Variants in CGNL1 observed in about 807,000 individuals in gnomAD.
The protein encoded by CGNL1 is cingulin like 1.
A neutral mutation model predicts 141.2 loss-of-function variants in CGNL1; 132 were observed. The observed-to-expected ratio is 0.93, with a 90% CI of 0.81 to 1.08. The LOEUF (loss-of-function observed/expected upper bound fraction) is 1.08. CGNL1 is among the 50% of genes least tolerant of loss of function. CGNL1 has a pLI of 0.00. For synonymous variants in CGNL1, 690 were observed against 622.1 expected (o/e 1.11, Z -1.63); for missense variants, 1,870 against 1,588.6 (o/e 1.18, Z -3.01).
At chr15:57,527,853 G>A (rs2031709700) in intron 12 of CGNL1, among the ~76,000 whole-genome samples, 1 of 152,196 alleles carries the variant, frequency 6.6e-6, no homozygotes, top group African/African-American at 2.4e-5. Flanking sequence ...TCACTGAGTT[G>A]AAACCTCTTT....
chr15:57,491,800 G>A (rs2063867190), intron 8 of CGNL1, among the ~76,000 whole-genome samples: 1 of 152,158 alleles, frequency 6.6e-6, no homozygotes, highest in South Asian at 2.1e-4. Context: ...TGTCAGAAAA[G>A]TGCTTTAAAA....
chr15:57,528,029 C>T (rs572268556), intron 12 of CGNL1, among the ~76,000 whole-genome samples: 6 of 152,292 alleles, frequency 3.9e-5, no homozygotes, highest in South Asian at 2.1e-4. Context: ...GAGACTGAGG[C>T]GGGCATCACC....
chr15:57,380,954 T>A (rs895101041), intron 1 of CGNL1, among the ~76,000 whole-genome samples: 1 of 152,212 alleles, frequency 6.6e-6, no homozygotes, highest in East Asian at 1.9e-4. Context: ...CTCCTGCCAA[T>A]GGGCAGACAT....
At chr15:57,527,710 C>T (rs2031700252) in intron 12 of CGNL1, 1 of 152,238 alleles carries the variant, frequency 6.6e-6, no homozygotes, top group African/African-American at 2.4e-5. Context: ...GAAAAAACAA[C>T]AACATTATAA....
At chr15:57,459,742 A>G (rs796951266) in intron 7 of CGNL1, among the ~76,000 whole-genome samples, 6 of 152,314 alleles carry the variant, frequency 3.9e-5, no homozygotes, top group African/African-American at 1.4e-4. Context: ...GACTAGGACG[A>G]GAGAAAGTCA....
At chr15:57,449,786 T>C (rs2063299793) in intron 4 of CGNL1, among the ~76,000 whole-genome samples, 1 of 152,244 alleles carries the variant, frequency 6.6e-6, no homozygotes, top group Admixed American at 6.5e-5. Flanking sequence ...TTATTTTTTC[T>C]GGAGTGTTCT....
intron 4 of CGNL1, among the ~76,000 whole-genome samples, chr15:57,450,747 G>T (rs1244932750): frequency 6.6e-6 from 1 of 151,926 alleles, no homozygotes; most frequent in East Asian, 1.9e-4. Context: ...TTCAGTGCCT[G>T]TCAACAATTG....
chr15:57,446,027 C>T (rs2063246763), intron 4 of CGNL1, among the ~76,000 whole-genome samples: 1 of 152,166 alleles, frequency 6.6e-6, no homozygotes, highest in Non-Finnish European at 1.5e-5. Context: ...TACTTGCATA[C>T]AGGCTATGCA....
At position 57,547,400 on chromosome 15, in the gene CGNL1, CGAT is replaced by C; in HGVS notation, c.3822_3824del (p.Asp1275del). 6.2e-7 allele frequency: 1 copy of C among 1,614,192 alleles called. No individual in the cohort carries two copies. Among genetic ancestry groups the C allele is most frequent in the Admixed American group, 1.7e-5 (1 of 60,024 alleles). ...AAGTGCTGGATGACATGGATGACGA[CGAT>C]GACCTCAGCACGGATGGGGGAAGCC... On this transcript the variant is annotated inframe_deletion, in exon 19 of 19. Coordinates refer to ENST00000281282, the MANE Select transcript of CGNL1 (RefSeq NM_032866.5).
chr15:57,457,943 C>G (rs1343739731), intron 7 of CGNL1, among the ~76,000 whole-genome samples: 1 of 152,168 alleles, frequency 6.6e-6, no homozygotes, highest in African/African-American at 2.4e-5. Flanking sequence ...GTGGTCAGGT[C>G]TGTACTGACC....
chr15:57,427,945 A>T (rs2062997681), intron 1 of CGNL1, among the ~76,000 whole-genome samples: 1 of 151,652 alleles, frequency 6.6e-6, no homozygotes, highest in African/African-American at 2.4e-5. Flanking sequence ...TGCCTGAAGG[A>T]TGGGTATTTG....
In CGNL1 at chr15:57,451,503, T is replaced by G. The variant is rs1202064455; in HGVS notation, c.1807T>G (p.Cys603Gly). The G allele has an allele frequency of 1.2e-6, 2 of 1,605,122 alleles. No homozygotes were observed. Among genetic ancestry groups the G allele is most frequent in the African/African-American group, 2.7e-5 (2 of 74,524 alleles). Reference protein sequence around the residue: ...AGSAQGNNQACNSTSEVKDLL... With the variant: ...AGSAQGNNQAGNSTSEVKDLL... ...ATATCTTTGCAATTAATTATAGGCT[T>G]GTAATTCCACATCTGAAGTCAAAGA... The change falls in exon 5 of 19, where the codon TGT (cysteine) becomes GGT (glycine). Residue 603 changes from cysteine (C) to glycine (G), a missense_variant. Coordinates refer to ENST00000281282, the MANE Select transcript of CGNL1 (RefSeq NM_032866.5).
rs1357461331 is a variant in CGNL1 at position 57,384,002 on chromosome 15, T to C, written c.-16+7435T>C. Among the ~76,000 whole-genome samples, 3 of 138,458 alleles carry C rather than the reference T, an allele frequency of 2.2e-5. 1 individual carries two copies. The highest frequency in any genetic ancestry group is 1.5e-4 in the Admixed American group (2 of 13,142). 90.8% of individuals were successfully genotyped at this position (138,458 alleles called of 152,430 possible). A position where few individuals can be genotyped will look rare whatever the true frequency, so the allele number is the denominator to read the frequency against. On this transcript the variant is annotated intron_variant, in intron 1 of 18. Transcript: ENST00000281282. ...GGGGCTTAAATGCATTTGGTCTGGTTGTGGCCAGACTAGCTCAGCCCTAAC... is the reference window on the plus strand; with the variant it reads ...GGGGCTTAAATGCATTTGGTCTGGTCGTGGCCAGACTAGCTCAGCCCTAAC...
At chr15:57,420,555 A>G (rs2062903073) in intron 1 of CGNL1, among the ~76,000 whole-genome samples, 1 of 152,190 alleles carries the variant, frequency 6.6e-6, no homozygotes, top group African/African-American at 2.4e-5. Context: ...ATACACATAT[A>G]GTGGTTTCGG....
intron 8 of CGNL1, among the ~76,000 whole-genome samples, chr15:57,489,128 A>G (rs960146574): frequency 6.6e-6 from 1 of 152,278 alleles, no homozygotes; most frequent in Non-Finnish European, 1.5e-5. Flanking sequence ...GAAATACTAT[A>G]TAATAGAATT....
At chr15:57,388,914 G>C (rs1216569813) in intron 1 of CGNL1, among the ~76,000 whole-genome samples, 1 of 152,178 alleles carries the variant, frequency 6.6e-6, no homozygotes, top group Non-Finnish European at 1.5e-5. Context: ...AAGGAGTCTG[G>C]CTGAAATTTG....
intron 1 of CGNL1, among the ~76,000 whole-genome samples, chr15:57,430,485 A>G (rs2063031621): frequency 6.6e-6 from 1 of 152,280 alleles, no homozygotes; most frequent in South Asian, 2.1e-4. Flanking sequence ...AATTTATTAA[A>G]GTAATACAAA....
At chr15:57,409,016 G>C (rs1177698995) in intron 1 of CGNL1, among the ~76,000 whole-genome samples, 1 of 146,386 alleles carries the variant, frequency 6.8e-6, no homozygotes, top group Non-Finnish European at 1.5e-5. Flanking sequence ...ACTCCAGCCT[G>C]GGTGAGACAG....
intron 1 of CGNL1, among the ~76,000 whole-genome samples, chr15:57,387,244 G>A (rs963667028): frequency 6.6e-6 from 1 of 152,138 alleles, no homozygotes; most frequent in Admixed American, 6.5e-5. Flanking sequence ...TTTTCAAGGT[G>A]CCATCTGTGT....
Sources: gnomAD v4.1 joint callset for allele counts (sites outside exome capture counted in the v4.1 genomes callset) on GRCh38, gnomAD v4.1.1 for gene constraint, MANE v1.5 for transcripts, NCBI Gene and HGNC (gene_info 2026-07-23, HGNC 2026-07-21) for gene names.